ACOT13: variants seen among roughly 807,000 people sequenced by gnomAD.
ACOT13 encodes acyl-coenzyme A thioesterase 13.
A neutral mutation model predicts 11.8 loss-of-function variants in ACOT13; 10 were observed. The observed-to-expected ratio is 0.85, with a 90% CI of 0.53 to 1.44. The LOEUF (loss-of-function observed/expected upper bound fraction) is 1.44, where lower values mean the gene tolerates loss of function less well. Ranked by LOEUF, ACOT13 falls within the 40% of genes most tolerant of loss-of-function variation. The pLI, the probability that ACOT13 is intolerant of heterozygous loss-of-function variation, is 0.00. For synonymous variants in ACOT13, 53 were observed against 61.0 expected (o/e 0.87, Z 0.61); for missense variants, 172 against 174.1 (o/e 0.99, Z 0.07).
intron 1 of ACOT13, among the ~76,000 whole-genome samples, chr6:24,693,776 T>A (rs996153321): frequency 6.7e-6 from 1 of 149,950 alleles, no homozygotes; most frequent in African/African-American, 2.5e-5. Context: ...TAGGCTGGAG[T>A]GCAGTGGTGC....
intron 1 of ACOT13, among the ~76,000 whole-genome samples, chr6:24,690,236 C>T (rs538671844): frequency 6.6e-6 from 1 of 152,284 alleles, no homozygotes; most frequent in Non-Finnish European, 1.5e-5. Context: ...AGATTCCAAA[C>T]TGAAGCTCAA....
intron 1 of ACOT13, among the ~76,000 whole-genome samples, chr6:24,690,293 C>T (rs1182748750): frequency 6.6e-6 from 1 of 152,146 alleles, no homozygotes; most frequent in Non-Finnish European, 1.5e-5. Flanking sequence ...TAAAGGAGAA[C>T]TGGAAGTGTG....
In ACOT13 at chr6:24,704,105, G is replaced by T. The variant is rs1475690219; in HGVS notation, c.*2490G>T. ...ATGATAAAGAGTATCAACATTCCCT[G>T]AGTTTGGTAATTTTACTCTAGTTAT... is the stretch of plus-strand genomic sequence containing the variant. On this transcript the variant is annotated 3_prime_UTR_variant, in exon 3 of 3. Transcript: ENST00000230048. 1 of 152,142 alleles carries T rather than the reference G, an allele frequency of 6.6e-6. No individual in the cohort carries two copies. The highest frequency in any genetic ancestry group is 2.4e-5 in the African/African-American group (1 of 41,424). 9.4% of individuals were successfully genotyped at this position (152,142 alleles called of 1,614,324 possible).
Position 24,701,844 on chromosome 6 carries a change from A to C in ACOT13, c.*229A>C. The C allele has an allele frequency of 2.4e-6, 1 of 410,490 alleles. No individual in the cohort carries two copies. Among genetic ancestry groups the C allele is most frequent in the Admixed American group, 4.2e-5 (1 of 23,780 alleles). 25.4% of individuals were successfully genotyped at this position (410,490 alleles called of 1,614,324 possible). ...TAATTGGGTGAAAAATTCTTAGCTC[A>C]AAGTGTTTTAAAAACAGGTAAAGCA... On this transcript the variant is annotated 3_prime_UTR_variant, in exon 3 of 3. Coordinates refer to ENST00000230048, the MANE Select transcript of ACOT13 (RefSeq NM_018473.4).
At chr6:24,696,504 T>C (rs1035688924) in intron 1 of ACOT13, among the ~76,000 whole-genome samples, 6 of 152,222 alleles carry the variant, frequency 3.9e-5, no homozygotes, top group Non-Finnish European at 5.9e-5. Flanking sequence ...ATGGTACTTA[T>C]CTAGAATATA....
chr6:24,691,518 A>G (rs964411918), intron 1 of ACOT13, among the ~76,000 whole-genome samples: 7 of 152,178 alleles, frequency 4.6e-5, no homozygotes, highest in Non-Finnish European at 1.0e-4. Flanking sequence ...GTATTGGTGC[A>G]GGAGAACTTA....
intron 1 of ACOT13, among the ~76,000 whole-genome samples, chr6:24,696,520 C>T (rs1158436650): frequency 6.6e-6 from 1 of 152,178 alleles, no homozygotes; most frequent in African/African-American, 2.4e-5. Context: ...ATATAACCAA[C>T]CATTTAATGC....
At chr6:24,672,627 G>A (rs921192190) in intron 1 of ACOT13, among the ~76,000 whole-genome samples, 5 of 152,090 alleles carry the variant, frequency 3.3e-5, no homozygotes, top group Admixed American at 2.6e-4. Context: ...GTGACAGGGC[G>A]AGACTCCATC....
At chr6:24,688,186 AT>A (rs567447725) in intron 1 of ACOT13, among the ~76,000 whole-genome samples, 27 of 150,828 alleles carry the variant, frequency 1.8e-4, no homozygotes, top group South Asian at 6.3e-4. Context: ...AAAATAAGGC[AT>A]TTTTTTTTCA....
rs533699262 is a variant in ACOT13, at chr6:24,667,106, C to G, written c.-158C>G. On this transcript the variant is annotated 5_prime_UTR_variant, in exon 1 of 3. Transcript: ENST00000230048. ...AGCAAATCGCGGACCACCGGGGCTG[C>G]CAGCTCGCCTGACTCCCGGCCTCTT... The G allele has an allele frequency of 3.2e-5, 28 of 868,522 alleles. No individual in the cohort carries two copies. The Admixed American group carries it at 5.9e-4, about 18-fold the overall frequency. 53.8% of individuals were successfully genotyped at this position (868,522 alleles called of 1,614,324 possible). A position where few individuals can be genotyped will look rare whatever the true frequency, so the allele number is the denominator to read the frequency against.
At position 24,701,753 on chromosome 6, in the gene ACOT13, T is replaced by C; in HGVS notation, c.*138T>C. 1.2e-6 allele frequency: 1 copy of C among 868,670 alleles called. No individual in the cohort carries two copies. Among genetic ancestry groups the C allele is most frequent in the East Asian group, 2.8e-5 (1 of 35,682 alleles). The allele number at this position is 868,670 out of a possible 1,614,324, so 53.8% of individuals were successfully genotyped here. ...TTCTTGGAGGAAAAGGACCTGGATA[T>C]CAAGTAGGGTAAAGGTGGGGGTGTC... On this transcript the variant is annotated 3_prime_UTR_variant, in exon 3 of 3. Coordinates refer to ENST00000230048, the MANE Select transcript of ACOT13 (RefSeq NM_018473.4).
chr6:24,688,151 C>G (rs1337532075), intron 1 of ACOT13, among the ~76,000 whole-genome samples: 6 of 151,996 alleles, frequency 3.9e-5, no homozygotes, highest in Admixed American at 3.9e-4. Flanking sequence ...TTAAAACTGT[C>G]TTATGTATAA....
At chr6:24,683,003 G>A (rs931574547) in intron 1 of ACOT13, among the ~76,000 whole-genome samples, 14 of 152,178 alleles carry the variant, frequency 9.2e-5, no homozygotes, top group Admixed American at 6.5e-4. Context: ...TGTGAGCTAA[G>A]TTGCAAGCCC....
At chr6:24,685,219 GT>G (rs1450113302) in intron 1 of ACOT13, among the ~76,000 whole-genome samples, 1 of 151,434 alleles carries the variant, frequency 6.6e-6, no homozygotes, top group Non-Finnish European at 1.5e-5. Context: ...TCTAAAAGAG[GT>G]TTTGTGGCTG....
At chr6:24,700,316 G>T (rs1778870889) in intron 2 of ACOT13, among the ~76,000 whole-genome samples, 1 of 151,696 alleles carries the variant, frequency 6.6e-6, no homozygotes, top group Non-Finnish European at 1.5e-5. Context: ...AAAATTTAGG[G>T]AAATAATAAA....
chr6:24,698,048 A>G lies in ACOT13; in HGVS notation c.247A>G (p.Ser83Gly). ...LCTERGAPGVSVDMNITYMSP... is the reference protein window; with the variant it reads ...LCTERGAPGVGVDMNITYMSP... The stretch of plus-strand genomic sequence containing the variant: ...CACGGAAAGGGGAGCACCCGGAGTC[A>G]GTGTCGATATGAACATAACGTATGT... The change falls in exon 2 of 3, where the codon AGT (serine) becomes GGT (glycine). Residue 83 changes from serine (S) to glycine (G), a missense_variant. Ser to Gly is a moderately conservative substitution (Grantham distance 56). Transcript: ENST00000230048. 2 of 1,608,988 alleles carry G rather than the reference A, an allele frequency of 1.2e-6. No individual in the cohort carries two copies. Among genetic ancestry groups the G allele is most frequent in the Non-Finnish European group, 1.7e-6 (2 of 1,178,020 alleles).
intron 1 of ACOT13, among the ~76,000 whole-genome samples, chr6:24,690,538 T>G (rs1778704150): frequency 6.6e-6 from 1 of 152,242 alleles, no homozygotes; most frequent in Admixed American, 6.5e-5. Context: ...TAGTGATTTC[T>G]TTTTTAATCA....
intron 1 of ACOT13, among the ~76,000 whole-genome samples, chr6:24,673,431 G>C (rs946765457): frequency 6.6e-6 from 1 of 152,094 alleles, no homozygotes; most frequent in Non-Finnish European, 1.5e-5. Flanking sequence ...TGCAATCTTG[G>C]CTCACTGCAG....
chr6:24,667,417 G>T, intron 1 of ACOT13, 73 bp downstream of exon 1: 1 of 1,362,610 alleles, frequency 7.3e-7, no homozygotes. Flanking sequence ...GTGCCGTTGT[G>T]AGCTTTGAAT....
Sources: allele counts gnomAD v4.1 joint callset (sites outside exome capture counted in the v4.1 genomes callset), GRCh38; gene constraint gnomAD v4.1.1; transcripts MANE v1.5; gene names NCBI Gene and HGNC (gene_info 2026-07-23, HGNC 2026-07-21).